GNB2: variants seen among roughly 807,000 people sequenced by gnomAD.
GNB2 encodes the protein G protein subunit beta 2, also known as guanine nucleotide-binding protein G(I)/G(S)/G(T) subunit beta-2.
Under a neutral mutation model 40.7 loss-of-function variants are expected in GNB2, and 7 were observed. The observed-to-expected ratio is 0.17, with a 90% CI of 0.10 to 0.32. The LOEUF (loss-of-function observed/expected upper bound fraction) is 0.32. Ranked by LOEUF, GNB2 falls within the 10% of genes least tolerant of loss-of-function variation. GNB2 has a pLI of 1.00. For missense variants in GNB2, 286 were observed against 473.0 expected, an observed-to-expected ratio of 0.60 and a Z score of 3.67; for synonymous variants, 254 against 191.2, an observed-to-expected ratio of 1.33 and a Z score of -2.71.
rs1266404727 is a variant in GNB2, at chr7:100,678,684, C to T, written c.917-11C>T. On this transcript the variant is annotated splice_polypyrimidine_tract_variant and intron_variant, in intron 9 of 9. Transcript: ENST00000303210. The stretch of plus-strand genomic sequence containing the variant: ...AGGCCCAATGGGTTCTGACTTCTCT[C>T]TTCTTCACAGGAGTCCTCGCTGGCC... The T allele has an allele frequency of 4.3e-6, 7 of 1,609,956 alleles. No homozygotes were observed. Among genetic ancestry groups the T allele is most frequent in the African/African-American group, 1.3e-5 (1 of 74,222 alleles).
At position 100,678,732 on chromosome 7, in the gene GNB2, C is replaced by T. The variant is rs17850902; in HGVS notation, c.954C>T (p.Leu318=). ...GCCACGACAACCGCGTGAGCTGCCTCGGGGTCACCGACGATGGCATGGCTG... is the reference window on the plus strand; with the variant it reads ...GCCACGACAACCGCGTGAGCTGCCTTGGGGTCACCGACGATGGCATGGCTG... ...LAGHDNRVSC[L]GVTDDGMAVA... is the part of the protein sequence containing the mutation. The change falls in exon 10 of 10, where the codon CTC becomes CTT. Residue 318 remains leucine, a synonymous_variant. Coordinates refer to ENST00000303210, the MANE Select transcript of GNB2 (RefSeq NM_005273.4). 7.1e-3 allele frequency: 11,388 copies of T among 1,613,766 alleles called. 67 individuals are homozygous for T. Among genetic ancestry groups the T allele is most frequent in the Middle Eastern group, 0.012 (75 of 6,062 alleles).
At position 100,678,193 on chromosome 7, in the gene GNB2, C is replaced by T. The variant is rs771831778; in HGVS notation, c.593C>T (p.Thr198Met). The T allele has an allele frequency of 1.3e-5, 21 of 1,613,676 alleles. No homozygotes were observed. The highest frequency in any genetic ancestry group is 2.7e-5 in the African/African-American group (2 of 74,936). ...MSLSLAPDGR[T>M]FVSGACDASI... ...CTGTCCCTGGCCCCCGATGGCCGCACGTTTGTGTCAGGCGCCTGTGATGCC... is the reference window on the plus strand; with the variant it reads ...CTGTCCCTGGCCCCCGATGGCCGCATGTTTGTGTCAGGCGCCTGTGATGCC... Residue 198 changes from threonine (T) to methionine (M), a missense_variant, in exon 8 of 10, where the codon ACG becomes ATG. Coordinates refer to ENST00000303210, the MANE Select transcript of GNB2 (RefSeq NM_005273.4).
intron 3 of GNB2, 25 bp from the exon 4 acceptor site, chr7:100,676,668 G>T: frequency 6.3e-7 from 1 of 1,577,116 alleles, no homozygotes; most frequent in Non-Finnish European, 8.7e-7. Context: ...GGGCCTCCCC[G>T]AGCGCATTCT....
At position 100,677,732 on chromosome 7, in the gene GNB2, C is replaced by T. The variant is rs775833572; in HGVS notation, c.431-20C>T. On this transcript the variant is annotated intron_variant, in intron 6 of 9. Coordinates refer to ENST00000303210, the MANE Select transcript of GNB2 (RefSeq NM_005273.4). ...CACTGCCCTCCGTGTGGAGACCTGGCTGACCAGCTCCTTCCCCAGGGTACC... is the reference window on the plus strand; with the variant it reads ...CACTGCCCTCCGTGTGGAGACCTGGTTGACCAGCTCCTTCCCCAGGGTACC... 50 of 1,613,452 alleles carry T rather than the reference C, an allele frequency of 3.1e-5. No homozygotes were observed. Among genetic ancestry groups the T allele is most frequent in the Non-Finnish European group, 4.2e-5 (49 of 1,179,748 alleles).
At chr7:100,676,079 C>G (rs1012625139) in intron 1 of GNB2, 98 bp from the exon 2 acceptor site, 2 of 508,894 alleles carry the variant, frequency 3.9e-6, no homozygotes, top group African/African-American at 2.0e-5. Flanking sequence ...GCCCCTTCCC[C>G]CTCCCCTTGC....
Position 100,678,495 on chromosome 7 carries a change from A to G in GNB2, c.797A>G (p.His266Arg), listed in dbSNP as rs977785007. Residue 266 changes from histidine to arginine, a missense_variant, in exon 9 of 10, where the codon CAT becomes CGT. Transcript: ENST00000303210. ...RADQELLMYSHDNIICGITSV... is the reference protein window; with the variant it reads ...RADQELLMYSRDNIICGITSV... Reference sequence around the variant, plus strand: ...GATCAGGAGCTCCTCATGTACTCCCATGACAACATCATCTGTGGCATCACC... The same window carrying G: ...GATCAGGAGCTCCTCATGTACTCCCGTGACAACATCATCTGTGGCATCACC... 4 of 1,613,878 alleles carry G rather than the reference A, an allele frequency of 2.5e-6. No homozygotes were observed. The highest frequency in any genetic ancestry group is 3.4e-6 in the Non-Finnish European group (4 of 1,179,946).
At position 100,676,539 on chromosome 7, in the gene GNB2, C is replaced by T. The variant is rs1804352331; in HGVS notation, c.62C>T (p.Ala21Val). ...TGGCTCTGCCATCCCTTACAGGATGCCCGAAAAGCATGTGGGGACTCAACA... is the reference window on the plus strand; with the variant it reads ...TGGCTCTGCCATCCCTTACAGGATGTCCGAAAAGCATGTGGGGACTCAACA... Reference protein sequence around the residue: ...AEQLRNQIRDARKACGDSTLT... With the variant: ...AEQLRNQIRDVRKACGDSTLT... The change falls in exon 3 of 10, where the codon GCC (alanine) becomes GTC (valine). Residue 21 changes from alanine to valine, a missense_variant. Coordinates refer to ENST00000303210, the MANE Select transcript of GNB2 (RefSeq NM_005273.4). The T allele has an allele frequency of 6.2e-7, 1 of 1,610,212 alleles. No individual in the cohort carries two copies. The highest frequency in any genetic ancestry group is 8.5e-7 in the Non-Finnish European group (1 of 1,176,480).
At position 100,678,452 on chromosome 7, in the gene GNB2, C is replaced by G; in HGVS notation, c.754C>G (p.Leu252Val). 1 of 1,613,850 alleles carries G rather than the reference C, an allele frequency of 6.2e-7. No homozygotes were observed. The highest frequency in any genetic ancestry group is 8.5e-7 in the Non-Finnish European group (1 of 1,180,026). Residue 252 changes from leucine (L) to valine (V), a missense_variant, in exon 9 of 10, where the codon CTC becomes GTC. By Grantham distance (32) the Leu-to-Val change is conservative. Transcript: ENST00000303210. The stretch of plus-strand genomic sequence containing the variant: ...CGGCTCTGACGACGCCACGTGCCGC[C>G]TCTTCGACCTGCGGGCCGATCAGGA... The part of the protein sequence containing the change: ...TTGSDDATCR[L>V]FDLRADQELL...
In GNB2 at chr7:100,678,505, C is replaced by A. The variant is rs202102462; in HGVS notation, c.807C>A (p.Ile269=). The A allele has an allele frequency of 4.3e-6, 7 of 1,613,850 alleles. No homozygotes were observed. The highest frequency in any genetic ancestry group is 1.3e-5 in the African/African-American group (1 of 75,062). ...TCCTCATGTACTCCCATGACAACAT[C>A]ATCTGTGGCATCACCTCTGTTGCCT... ...QELLMYSHDN[I]ICGITSVAFS... Residue 269 remains isoleucine, a synonymous_variant, in exon 9 of 10, where the codon ATC becomes ATA. Transcript: ENST00000303210.
At chr7:100,674,130 C>T (rs1804300421) in intron 1 of GNB2, among the ~76,000 whole-genome samples, 1 of 152,128 alleles carries the variant, frequency 6.6e-6, no homozygotes. Flanking sequence ...TGCGCTTCCC[C>T]GCACCATCAG....
intron 6 of GNB2, 46 bp downstream of exon 6, chr7:100,677,706 G>A (rs1288886403): frequency 6.8e-6 from 11 of 1,611,898 alleles, no homozygotes; most frequent in East Asian, 2.2e-5. Flanking sequence ...GTTGGGGGGT[G>A]CACTGCCCTC....
At chr7:100,674,985 A>G (rs1217711818) in intron 1 of GNB2, among the ~76,000 whole-genome samples, 1 of 152,056 alleles carries the variant, frequency 6.6e-6, no homozygotes, top group Non-Finnish European at 1.5e-5. Flanking sequence ...AGGAGGGGAA[A>G]TGTCAGTGGG....
rs771165202 is a variant in GNB2 at position 100,678,386 on chromosome 7, C to T, written c.700-12C>T. On this transcript the variant is annotated splice_polypyrimidine_tract_variant and intron_variant, in intron 8 of 9. Transcript: ENST00000303210. ...CCTCACCCTCACCCCATCTGGGTCC[C>T]GTGTCCTGCAGTTCTTCCCCAACGG... 28 of 1,610,470 alleles carry T rather than the reference C, an allele frequency of 1.7e-5. No individual in the cohort carries two copies. In the Admixed American group the frequency reaches 2.3e-4, roughly 13 times the overall value.
chr7:100,676,933 T>C, intron 4 of GNB2, 134 bp downstream of exon 4: 1 of 621,382 alleles, frequency 1.6e-6, no homozygotes, highest in Admixed American at 2.9e-5. Flanking sequence ...CTCCCAGACA[T>C]GTCCGCCAGA....
In GNB2 at chr7:100,678,880, G is replaced by C. The variant is rs145589084; in HGVS notation, c.*79G>C. 1.8e-6 allele frequency: 2 copies of C among 1,113,614 alleles called. No homozygotes were observed. Among genetic ancestry groups the C allele is most frequent in the Admixed American group, 4.2e-5 (2 of 48,054 alleles). The allele number at this position is 1,113,614 out of a possible 1,614,324, so 69.0% of individuals were successfully genotyped here. ...TACAGGCCAGGGCTGCGGGGCTGGC[G>C]CAATCCCAGCCCCCTTCCCCGGGCC... is the stretch of plus-strand genomic sequence containing the variant. On this transcript the variant is annotated 3_prime_UTR_variant, in exon 10 of 10. Transcript: ENST00000303210.
At chr7:100,674,419 C>G (rs1804306966) in intron 1 of GNB2, among the ~76,000 whole-genome samples, 2 of 152,152 alleles carry the variant, frequency 1.3e-5, no homozygotes, top group Non-Finnish European at 2.9e-5. Flanking sequence ...GGGTGCTGCC[C>G]GTGGTTTCTG....
rs763358137 is a variant in GNB2, at chr7:100,677,493, C to T, written c.268-5C>T. Reference sequence around the variant, plus strand: ...TCTGACCCCGGCGCTTCCCCTGCTCCGCAGGTCCACGCCATCCCGCTGCGC... The same window carrying T: ...TCTGACCCCGGCGCTTCCCCTGCTCTGCAGGTCCACGCCATCCCGCTGCGC... On this transcript the variant is annotated splice_polypyrimidine_tract_variant and splice_region_variant and intron_variant, in intron 5 of 9. Transcript: ENST00000303210. 62 of 1,613,158 alleles carry T rather than the reference C, an allele frequency of 3.8e-5. No individual in the cohort carries two copies. Among genetic ancestry groups the T allele is most frequent in the Middle Eastern group, 3.3e-4 (2 of 6,084 alleles).
At position 100,678,287 on chromosome 7, in the gene GNB2, C is replaced by G; in HGVS notation, c.687C>G (p.Ile229Met). 6.2e-7 allele frequency: 1 copy of G among 1,613,568 alleles called. No individual in the cohort carries two copies. Among genetic ancestry groups the G allele is most frequent in the Non-Finnish European group, 8.5e-7 (1 of 1,179,742 alleles). The change falls in exon 8 of 10, where the codon ATC (isoleucine) becomes ATG (methionine). Residue 229 changes from isoleucine to methionine, a missense_variant. Ile to Met is a conservative substitution (Grantham distance 10, BLOSUM62 1). Coordinates refer to ENST00000303210, the MANE Select transcript of GNB2 (RefSeq NM_005273.4). ...RQTFIGHESD[I>M]NAVAFFPNGY... ...CCTTCATCGGCCATGAATCCGACAT[C>G]AATGCAGTGGCTGTGAGTTTTGGGG... is the stretch of plus-strand genomic sequence containing the variant.
Position 100,677,960 on chromosome 7 carries a change from C to T in GNB2, c.498-138C>T, listed in dbSNP as rs571058116. 29 of 989,244 alleles carry T rather than the reference C, an allele frequency of 2.9e-5. No homozygotes were observed. In the African/African-American group the frequency reaches 4.2e-4, roughly 14 times the overall value. 61.3% of individuals were successfully genotyped at this position (989,244 alleles called of 1,614,324 possible). On this transcript the variant is annotated intron_variant, in intron 7 of 9. Transcript: ENST00000303210. ...TAAGGGGGTCAGGGAGGGATGCGTC[C>T]CCTCCCCACCTAAGGCTCTGAGAAG...
Sources: allele counts gnomAD v4.1 joint callset (sites outside exome capture counted in the v4.1 genomes callset), GRCh38; gene constraint gnomAD v4.1.1; transcripts MANE v1.5; gene names NCBI Gene and HGNC (gene_info 2026-07-23, HGNC 2026-07-21).